TTC7B: variants seen among roughly 807,000 people sequenced by gnomAD.
TTC7B encodes the protein tetratricopeptide repeat protein 7B.
TTC7B carries 28 observed loss-of-function variants against 106.8 expected under a neutral mutation model. The observed-to-expected ratio is 0.26, with a 90% confidence interval of 0.19 to 0.36. The LOEUF (loss-of-function observed/expected upper bound fraction) is 0.36. TTC7B is among the 10% of genes least tolerant of loss of function. The pLI, the probability that TTC7B is intolerant of heterozygous loss-of-function variation, is 1.00. For missense variants in TTC7B, 862 were observed against 1,076.4 expected, an observed-to-expected ratio of 0.80 and a Z score of 2.79; for synonymous variants, 405 against 430.6, an observed-to-expected ratio of 0.94 and a Z score of 0.74.
intron 15 of TTC7B, among the ~76,000 whole-genome samples, chr14:90,636,345 A>G (rs1884941158): frequency 1.3e-5 from 2 of 151,784 alleles, no homozygotes; most frequent in African/African-American, 4.8e-5. Context: ...AATGTACCAT[A>G]ATACACAGCA....
intron 3 of TTC7B, among the ~76,000 whole-genome samples, chr14:90,773,100 G>A (rs1890917219): frequency 1.3e-5 from 2 of 152,234 alleles, no homozygotes; most frequent in Non-Finnish European, 2.9e-5. Context: ...GGACAGGAGG[G>A]GCAAGGCCAT....
At chr14:90,580,886 T>G (rs1891460232) in intron 18 of TTC7B, among the ~76,000 whole-genome samples, 2 of 152,198 alleles carry the variant, frequency 1.3e-5, no homozygotes. Context: ...GCTCCCAGCT[T>G]CAGGCCTGGG....
chr14:90,766,779 C>A (rs1890695300), intron 3 of TTC7B: 1 of 1,576,512 alleles, frequency 6.3e-7, no homozygotes, highest in Non-Finnish European at 8.7e-7. Context: ...CAGACTGGTT[C>A]TTGAACACAC....
chr14:90,544,875 C>T lies in TTC7B; in HGVS notation c.2311-3286G>A, dbSNP rs143027686. ...GGAGACACATGCTGCATGCTTCTGG[C>T]AAATAGGTGATGAGCAGTAAGCCAC... is the stretch of plus-strand genomic sequence containing the variant. On this transcript the variant is annotated intron_variant, in intron 19 of 19. Transcript: ENST00000328459. 9.4e-4 allele frequency among the ~76,000 whole-genome samples: 143 copies of T among 152,272 alleles called. 1 individual carries two copies. Among genetic ancestry groups the T allele is most frequent in the African/African-American group, 3.3e-3 (136 of 41,552 alleles).
chr14:90,720,972 C>T (rs1260786275), intron 5 of TTC7B, among the ~76,000 whole-genome samples: 1 of 152,036 alleles, frequency 6.6e-6, no homozygotes, highest in South Asian at 2.1e-4. Flanking sequence ...TTCCTCCACT[C>T]CTGCTCCCAT....
intron 17 of TTC7B, among the ~76,000 whole-genome samples, chr14:90,607,686 T>C (rs1438566272): frequency 6.6e-6 from 1 of 152,160 alleles, no homozygotes; most frequent in Non-Finnish European, 1.5e-5. Flanking sequence ...GCTGGATGGA[T>C]AAGAATCCAG....
intron 7 of TTC7B, among the ~76,000 whole-genome samples, chr14:90,682,652 C>T (rs1430994781): frequency 1.3e-5 from 2 of 152,130 alleles, no homozygotes; most frequent in African/African-American, 4.8e-5. Context: ...ACCCAGGCCT[C>T]AGCCTTGAAG....
intron 4 of TTC7B, among the ~76,000 whole-genome samples, chr14:90,744,518 A>G (rs1889886005): frequency 6.6e-6 from 1 of 152,182 alleles, no homozygotes; most frequent in Non-Finnish European, 1.5e-5. Context: ...CATGTTGGCC[A>G]GGCTGGTCTC....
intron 5 of TTC7B, among the ~76,000 whole-genome samples, chr14:90,701,457 T>C (rs1365323895): frequency 6.6e-6 from 1 of 151,694 alleles, no homozygotes; most frequent in Non-Finnish European, 1.5e-5. Context: ...CAGGAACACA[T>C]AAACAAGTCC....
chr14:90,662,033 C>T (rs1330793072), intron 9 of TTC7B, among the ~76,000 whole-genome samples: 1 of 152,186 alleles, frequency 6.6e-6, no homozygotes, highest in Non-Finnish European at 1.5e-5. Context: ...TCACGGGATC[C>T]TGTGGCTGGA....
chr14:90,558,293 C>T (rs934646182), intron 19 of TTC7B, among the ~76,000 whole-genome samples: 1 of 152,202 alleles, frequency 6.6e-6, no homozygotes, highest in African/African-American at 2.4e-5. Context: ...TGGAGAGTGC[C>T]GGCTACACAA....
At chr14:90,720,378 T>C (rs1409147410) in intron 5 of TTC7B, among the ~76,000 whole-genome samples, 2 of 152,188 alleles carry the variant, frequency 1.3e-5, no homozygotes, top group African/African-American at 4.8e-5. Context: ...ATCTGATTTC[T>C]CTCTGACAGC....
chr14:90,758,060 C>T (rs900031699), intron 3 of TTC7B, among the ~76,000 whole-genome samples: 1 of 152,006 alleles, frequency 6.6e-6, no homozygotes, highest in Non-Finnish European at 1.5e-5. Context: ...CAGCCAGGGC[C>T]TGTGAGTGTG....
intron 4 of TTC7B, among the ~76,000 whole-genome samples, chr14:90,734,270 C>T (rs1256680644): frequency 1.3e-5 from 2 of 151,730 alleles, no homozygotes; most frequent in African/African-American, 2.4e-5. Context: ...AATACAAAAA[C>T]TTAGCCAGGT....
At position 90,575,851 on chromosome 14, in the gene TTC7B, A is replaced by C. The variant is rs537588802; in HGVS notation, c.2310+2255T>G. Reference sequence around the variant, plus strand: ...TTTCAATATCTCAGGATCCACGGAGAGAGGTTTTAATAGTTTATTATGATG... The same window carrying C: ...TTTCAATATCTCAGGATCCACGGAGCGAGGTTTTAATAGTTTATTATGATG... On this transcript the variant is annotated intron_variant, in intron 19 of 19. Transcript: ENST00000328459. This position sits in a 1 kb window ranked among gnomAD's most constrained non-coding sequence, Gnocchi z 5.2. Among the ~76,000 whole-genome samples, 24 of 152,166 alleles carry C rather than the reference A, an allele frequency of 1.6e-4. No homozygotes were observed. The highest frequency in any genetic ancestry group is 5.8e-4 in the African/African-American group (24 of 41,502).
chr14:90,682,320 C>T (rs1047860882), intron 7 of TTC7B, among the ~76,000 whole-genome samples: 1 of 152,150 alleles, frequency 6.6e-6, no homozygotes, highest in Admixed American at 6.5e-5. Flanking sequence ...GCACATTAAC[C>T]GAATCCAGCT....
chr14:90,749,708 A>C (rs1305957351), intron 3 of TTC7B, among the ~76,000 whole-genome samples: 2 of 152,084 alleles, frequency 1.3e-5, no homozygotes, highest in East Asian at 3.9e-4. Context: ...CCTGGCCAAT[A>C]ATAATAATTT....
intron 9 of TTC7B, among the ~76,000 whole-genome samples, chr14:90,668,559 T>C (rs78819180): frequency 0.036 from 5,541 of 152,300 alleles, 136 homozygotes; most frequent in Non-Finnish European, 0.054. Flanking sequence ...CCAATAACAA[T>C]AGTAACATGC....
rs1490713209 is a variant in TTC7B, at chr14:90,644,106, A to G, written c.1693T>C (p.Tyr565His). ...TCGATGATGTTCAGAGCGTCATGGT[A>G]ATGCTTCTGTGCTGACAGCAGGAGG... Reference protein sequence around the residue: ...LALLLSAQKHYHDALNIIDMA... With the variant: ...LALLLSAQKHHHDALNIIDMA... Residue 565 changes from tyrosine to histidine, a missense_variant, in exon 15 of 20, where the codon TAC becomes CAC. Coordinates refer to ENST00000328459, the MANE Select transcript of TTC7B (RefSeq NM_001010854.2). 2 of 1,614,148 alleles carry G rather than the reference A, an allele frequency of 1.2e-6. No homozygotes were observed. Among genetic ancestry groups the G allele is most frequent in the East Asian group, 4.5e-5 (2 of 44,860 alleles).
Sources: gnomAD v4.1 joint callset for allele counts (sites outside exome capture counted in the v4.1 genomes callset) on GRCh38, gnomAD v4.1.1 for gene constraint, Gnocchi (gnomAD v3.1) non-coding constraint, MANE v1.5 for transcripts, NCBI Gene and HGNC (gene_info 2026-07-23, HGNC 2026-07-21) for gene names.